ASCC1: variants seen among roughly 807,000 people sequenced by gnomAD.
ASCC1 encodes ASC-1 complex subunit P50.
ASCC1 carries 35 observed loss-of-function variants against 46.6 expected under a neutral mutation model. That is an observed-to-expected ratio of 0.75 (90% confidence interval 0.57 to 0.99). The LOEUF is 0.99. Ranked by LOEUF, ASCC1 falls within the 50% of genes least tolerant of loss-of-function variation. The pLI, the probability that ASCC1 is intolerant of heterozygous loss-of-function variation, is 0.00. For synonymous variants in ASCC1, 143 were observed against 146.6 expected (o/e 0.98, Z 0.18); for missense variants, 376 against 428.7 (o/e 0.88, Z 1.09).
intron 9 of ASCC1, among the ~76,000 whole-genome samples, chr10:72,107,374 A>AT (rs1482022882): frequency 6.6e-6 from 1 of 151,638 alleles, no homozygotes; most frequent in Non-Finnish European, 1.5e-5. Flanking sequence ...AAAAAAAAAA[A>AT]ATTCTGAGTT....
chr10:72,205,770 T>C (rs1186729815), intron 3 of ASCC1, among the ~76,000 whole-genome samples: 2 of 152,068 alleles, frequency 1.3e-5, no homozygotes, highest in Non-Finnish European at 2.9e-5. Context: ...CATTCCAGCC[T>C]GGGCGACAGA....
chr10:72,104,971 G>A (rs1015420723), intron 9 of ASCC1, among the ~76,000 whole-genome samples: 2 of 152,104 alleles, frequency 1.3e-5, no homozygotes, highest in African/African-American at 4.8e-5. Flanking sequence ...GCCAGAAACA[G>A]GCAGACTTTG....
At chr10:72,111,903 A>G (rs1365690835) in intron 9 of ASCC1, among the ~76,000 whole-genome samples, 2 of 152,176 alleles carry the variant, frequency 1.3e-5, no homozygotes, top group Non-Finnish European at 2.9e-5. Context: ...CGGCCTCCCA[A>G]AGTGCTGGGA....
chr10:72,195,726 C>G (rs1452944461), intron 5 of ASCC1, among the ~76,000 whole-genome samples: 1 of 151,490 alleles, frequency 6.6e-6, no homozygotes, highest in Non-Finnish European at 1.5e-5. Context: ...CCTAGCTACT[C>G]AGGAGGCTGA....
intron 3 of ASCC1, among the ~76,000 whole-genome samples, chr10:72,209,865 T>A (rs1170314011): frequency 6.6e-6 from 1 of 152,186 alleles, no homozygotes; most frequent in Non-Finnish European, 1.5e-5. Flanking sequence ...CATGTTGAAA[T>A]GTAACCCTCA....
chr10:72,197,141 C>T, intron 4 of ASCC1, 152 bp from the exon 5 acceptor site: 1 of 744,510 alleles, frequency 1.3e-6, no homozygotes, highest in Non-Finnish European at 2.3e-6. Context: ...AAGAAAACTG[C>T]TAATTAATTC....
intron 7 of ASCC1, 127 bp downstream of exon 7, chr10:72,152,742 G>C: frequency 8.8e-7 from 1 of 1,137,790 alleles, no homozygotes; most frequent in Non-Finnish European, 1.2e-6. Context: ...TAAAAAAAAA[G>C]AGAGAGAAAT....
At position 72,204,489 on chromosome 10, in the gene ASCC1, T is replaced by C. The variant is rs1035122616; in HGVS notation, c.213-965A>G. On this transcript the variant is annotated intron_variant, in intron 3 of 9. Coordinates refer to ENST00000672957, the MANE Select transcript of ASCC1 (RefSeq NM_001198800.3). Reference sequence around the variant, plus strand: ...TTCTGGAACCCACAGTCGTTTGATGTGTTCAAGTGAATGAGACTACCGAAT... The same window carrying C: ...TTCTGGAACCCACAGTCGTTTGATGCGTTCAAGTGAATGAGACTACCGAAT... The C allele has an allele frequency of 1.3e-6, 2 of 1,550,416 alleles. 1 individual carries two copies. Among genetic ancestry groups the C allele is most frequent in the South Asian group, 2.4e-5 (2 of 84,068 alleles).
chr10:72,139,096 T>C (rs1042532352), intron 7 of ASCC1, among the ~76,000 whole-genome samples: 3 of 151,640 alleles, frequency 2.0e-5, no homozygotes, highest in African/African-American at 7.3e-5. Flanking sequence ...TATGTCACTA[T>C]ATTTCTTTTT....
intron 5 of ASCC1, among the ~76,000 whole-genome samples, chr10:72,168,211 A>T (rs751691728): frequency 4.2e-4 from 64 of 151,802 alleles, no homozygotes; most frequent in African/African-American, 1.4e-3. Flanking sequence ...ATAAATAAAT[A>T]AAATAAAATA....
At chr10:72,102,411 A>C (rs1439714446) in intron 9 of ASCC1, 3 of 1,549,646 alleles carry the variant, frequency 1.9e-6, no homozygotes, top group Non-Finnish European at 2.6e-6. Context: ...CATCAGAGAC[A>C]CCTGTAGCAC....
chr10:72,112,211 A>G (rs990163997), intron 9 of ASCC1, among the ~76,000 whole-genome samples: 2 of 152,250 alleles, frequency 1.3e-5, no homozygotes. Flanking sequence ...CACACAATGC[A>G]GAATATATGT....
chr10:72,102,822 A>G (rs1841928628), intron 9 of ASCC1: 1 of 347,754 alleles, frequency 2.9e-6, no homozygotes, highest in South Asian at 2.2e-5. Context: ...TAAAAATACA[A>G]AAATTAGCCA....
At chr10:72,098,212 G>A (rs1411666617) in intron 9 of ASCC1, among the ~76,000 whole-genome samples, 1 of 152,196 alleles carries the variant, frequency 6.6e-6, no homozygotes, top group Non-Finnish European at 1.5e-5. Context: ...ACATTTATAA[G>A]GCAGGACCCA....
chr10:72,124,058 C>A (rs1220209916), intron 9 of ASCC1, among the ~76,000 whole-genome samples: 2 of 152,154 alleles, frequency 1.3e-5, no homozygotes, highest in African/African-American at 4.8e-5. Flanking sequence ...CTTTTAAAGG[C>A]TCTGAAGAAC....
At chr10:72,123,914 CATAT>C (rs1844529200) in intron 9 of ASCC1, among the ~76,000 whole-genome samples, 1 of 152,092 alleles carries the variant, frequency 6.6e-6, no homozygotes, top group Admixed American at 6.5e-5. Flanking sequence ...GTCTCATGTA[CATAT>C]ATAAATATAC....
chr10:72,105,536 T>A (rs570478269), intron 9 of ASCC1, among the ~76,000 whole-genome samples: 1 of 152,338 alleles, frequency 6.6e-6, no homozygotes, highest in South Asian at 2.1e-4. Context: ...ACTTTTCCTA[T>A]CACCAAGTAA....
In ASCC1 at chr10:72,133,047, G is replaced by A. The variant is rs773916542; in HGVS notation, c.871+10C>T. ...TCACAAACTGTGCTATAGTTCTCTG[G>A]GGGACTTACCATTGGGGTCTTTCCT... On this transcript the variant is annotated intron_variant, in intron 8 of 9. Coordinates refer to ENST00000672957, the MANE Select transcript of ASCC1 (RefSeq NM_001198800.3). 6.2e-7 allele frequency: 1 copy of A among 1,614,052 alleles called. No homozygotes were observed.
chr10:72,150,077 C>T (rs1033225834), intron 7 of ASCC1, among the ~76,000 whole-genome samples: 4 of 151,590 alleles, frequency 2.6e-5, no homozygotes, highest in Non-Finnish European at 5.9e-5. Flanking sequence ...CTCAGCTACT[C>T]GAGAGGCTGA....
Sources: allele counts gnomAD v4.1 joint callset (sites outside exome capture counted in the v4.1 genomes callset), GRCh38; gene constraint gnomAD v4.1.1; transcripts MANE v1.5; gene names NCBI Gene and HGNC (gene_info 2026-07-23, HGNC 2026-07-21).